Variants in PCGF3 observed in about 807,000 individuals in gnomAD.
PCGF3 encodes polycomb group ring finger 3.
Under a neutral mutation model 33.1 loss-of-function variants are expected in PCGF3, and 7 were observed. That is an observed-to-expected ratio of 0.21 (90% confidence interval 0.12 to 0.40). The LOEUF (loss-of-function observed/expected upper bound fraction) is 0.40, where lower values mean the gene tolerates loss of function less well. Among genes scored for constraint, PCGF3 ranks in the 10% least tolerant of loss-of-function variants. The pLI, the probability that PCGF3 is intolerant of heterozygous loss-of-function variation, is 1.00. For synonymous variants in PCGF3, 153 were observed against 121.3 expected (o/e 1.26, Z -1.72); for missense variants, 211 against 313.3 (o/e 0.67, Z 2.46).
In PCGF3 at chr4:723,596, C is replaced by G. The variant is rs1270922522; in HGVS notation, c.-189-7034C>G. 5.2e-5 allele frequency: 8 copies of G among 153,258 alleles called. No individual in the cohort carries two copies. In the Admixed American group the frequency reaches 5.2e-4, roughly 10 times the overall value. The allele number at this position is 153,258 out of a possible 1,614,324, so 9.5% of individuals were successfully genotyped here. Reference sequence around the variant, plus strand: ...AGGGTTCCAGACGGTGCGGGGGCCCCTTCAGTCTGGTTGTGTGGGGCAGGG... The same window carrying G: ...AGGGTTCCAGACGGTGCGGGGGCCCGTTCAGTCTGGTTGTGTGGGGCAGGG... On this transcript the variant is annotated intron_variant, in intron 1 of 10. Coordinates refer to ENST00000362003, the Ensembl canonical transcript of PCGF3.
At chr4:742,449 C>G (rs908474828) in intron 6 of PCGF3, among the ~76,000 whole-genome samples, 2 of 152,228 alleles carry the variant, frequency 1.3e-5, no homozygotes, top group Admixed American at 1.3e-4. Context: ...TCCTTGGTCA[C>G]GTAGCACATA....
At chr4:724,014 G>C (rs1241859891) in intron 1 of PCGF3, 1 of 152,378 alleles carries the variant, frequency 6.6e-6, no homozygotes, top group Non-Finnish European at 1.5e-5. Context: ...GGGGGCTGCT[G>C]TCTGCCCAGG....
chr4:735,744 C>T (rs1743796536), intron 5 of PCGF3, among the ~76,000 whole-genome samples: 1 of 152,256 alleles, frequency 6.6e-6, no homozygotes, highest in African/African-American at 2.4e-5. Flanking sequence ...TGGCCAAGGT[C>T]TTTCTCCCTG....
chr4:710,466 A>C (rs775546944), intron 1 of PCGF3, among the ~76,000 whole-genome samples: 8 of 152,364 alleles, frequency 5.3e-5, no homozygotes, highest in Non-Finnish European at 1.2e-4. Context: ...AGGTGGGGTC[A>C]CTGGAACACT....
intron 6 of PCGF3, among the ~76,000 whole-genome samples, chr4:742,849 T>C (rs1337100152): frequency 7.2e-5 from 11 of 152,110 alleles, no homozygotes; most frequent in Non-Finnish European, 1.3e-4. Flanking sequence ...GTGCCAGAGC[T>C]CATAGCTGTG....
intron 7 of PCGF3, chr4:743,813 C>G: frequency 2.3e-6 from 1 of 437,614 alleles, no homozygotes; most frequent in Non-Finnish European, 4.2e-6. Context: ...GAGGGCCCCC[C>G]GAGAGTGTCT....
At chr4:717,543 C>A (rs1011269566) in intron 1 of PCGF3, among the ~76,000 whole-genome samples, 18 of 152,196 alleles carry the variant, frequency 1.2e-4, no homozygotes, top group Admixed American at 1.1e-3. Flanking sequence ...CCACACCCAG[C>A]TAATTTTTGT....
At chr4:768,067 G>A (rs1745457712) in exon 11 of PCGF3, 1 of 152,664 alleles carries the variant, frequency 6.6e-6, no homozygotes, top group African/African-American at 2.4e-5. Flanking sequence ...ATATATATTT[G>A]TAACTTTGTA....
chr4:739,214 A>C (rs111322419), intron 6 of PCGF3, among the ~76,000 whole-genome samples: 134 of 152,076 alleles, frequency 8.8e-4, no homozygotes, highest in Middle Eastern at 3.4e-3. Context: ...TTATTTCTTT[A>C]TTTATTTTGA....
chr4:752,473 G>A lies in PCGF3; in HGVS notation c.462+7785G>A, dbSNP rs1310648687. On this transcript the variant is annotated intron_variant, in intron 8 of 10. Transcript: ENST00000362003. ...CGGGTTTCATGGATGCACGGCCACA[G>A]CTGTTCCGCTCTTTTCCCCCAGCTG... Among the ~76,000 whole-genome samples, 14 of 152,342 alleles carry A rather than the reference G, an allele frequency of 9.2e-5. No individual in the cohort carries two copies. In the East Asian group the frequency reaches 2.7e-3, roughly 29 times the overall value.
chr4:734,033 C>T (rs867544244), intron 4 of PCGF3: 5 of 1,550,616 alleles, frequency 3.2e-6, no homozygotes, highest in African/African-American at 1.4e-5. Flanking sequence ...AGAGACCCCA[C>T]ATTCCTCCCA....
intron 1 of PCGF3, among the ~76,000 whole-genome samples, chr4:707,294 G>A (rs1742349578): frequency 6.6e-6 from 1 of 152,166 alleles, no homozygotes; most frequent in Admixed American, 6.5e-5. Context: ...AAGAATGCCA[G>A]GACCCCAGAA....
At chr4:730,228 C>T (rs1490427564) in intron 1 of PCGF3, among the ~76,000 whole-genome samples, 3 of 152,234 alleles carry the variant, frequency 2.0e-5, no homozygotes, top group Non-Finnish European at 2.9e-5. Context: ...TTGGCTGCGT[C>T]GTGGAGCCAG....
At chr4:753,615 C>T (rs985695624) in intron 8 of PCGF3, among the ~76,000 whole-genome samples, 67 of 150,538 alleles carry the variant, frequency 4.5e-4, no homozygotes, top group African/African-American at 1.6e-3. Flanking sequence ...TGCACTCCAG[C>T]CTGGGCGACA....
intron 5 of PCGF3, among the ~76,000 whole-genome samples, chr4:735,755 C>T (rs1035907751): frequency 3.9e-5 from 6 of 152,246 alleles, no homozygotes; most frequent in East Asian, 1.9e-4. Flanking sequence ...TTTCTCCCTG[C>T]GCTGTGCTCT....
In PCGF3 at chr4:738,794, G is replaced by A. The variant is rs187796550; in HGVS notation, c.262+1273G>A. Among the ~76,000 whole-genome samples, 1,331 of 152,280 alleles carry A rather than the reference G, an allele frequency of 8.7e-3. 20 individuals are homozygous for A. Among genetic ancestry groups the A allele is most frequent in the African/African-American group, 0.029 (1,197 of 41,540 alleles). The stretch of plus-strand genomic sequence containing the variant: ...GAATCGCTTGAACCCGGGAGGCAGA[G>A]GTTGCAGTGAGCTGAGATCGCGCCA... On this transcript the variant is annotated intron_variant, in intron 6 of 10. Coordinates refer to ENST00000362003, the Ensembl canonical transcript of PCGF3.
chr4:737,387 G>A (rs1312187219), intron 5 of PCGF3, 79 bp from the exon 6 acceptor site: 11 of 944,316 alleles, frequency 1.2e-5, no homozygotes, highest in Admixed American at 1.1e-4. Context: ...TCTGAACTTT[G>A]ATATTGTTAA....
intron 8 of PCGF3, among the ~76,000 whole-genome samples, chr4:756,605 T>A (rs539058545): frequency 1.3e-5 from 2 of 152,358 alleles, no homozygotes; most frequent in East Asian, 1.9e-4. Context: ...ATGTTTTTTT[T>A]AACCAGCTTT....
At chr4:755,878 C>T (rs1422990633) in intron 8 of PCGF3, among the ~76,000 whole-genome samples, 1 of 148,910 alleles carries the variant, frequency 6.7e-6, no homozygotes, top group African/African-American at 2.5e-5. Flanking sequence ...ACATACCCCT[C>T]CTCATTTTTC....
Sources: gnomAD v4.1 joint callset for allele counts (sites outside exome capture counted in the v4.1 genomes callset) on GRCh38, gnomAD v4.1.1 for gene constraint, MANE v1.5 for transcripts, NCBI Gene and HGNC (gene_info 2026-07-23, HGNC 2026-07-21) for gene names.